XPO5: variants seen among roughly 807,000 people sequenced by gnomAD.
XPO5 encodes exportin 5.
A neutral mutation model predicts 160.6 loss-of-function variants in XPO5; 46 were observed. The ratio of observed to expected loss-of-function variants is 0.29; its 90% CI spans 0.23 to 0.37. The LOEUF is 0.37. Ranked by LOEUF, XPO5 falls within the 10% of genes least tolerant of loss-of-function variation. The pLI, the probability that XPO5 is intolerant of heterozygous loss-of-function variation, is 1.00. For missense variants in XPO5, 1,090 were observed against 1,463.9 expected (o/e 0.74, Z 4.17); for synonymous variants, 537 against 519.3 (o/e 1.03, Z -0.46).
intron 6 of XPO5, among the ~76,000 whole-genome samples, chr6:43,568,407 T>C (rs1317962978): frequency 1.3e-5 from 2 of 151,680 alleles, no homozygotes; most frequent in African/African-American, 4.9e-5. Flanking sequence ...AAGCCAGGGG[T>C]TTGACACCGG....
At chr6:43,565,620 A>G (rs753698447) in intron 8 of XPO5, 40 bp downstream of exon 8, 50 of 1,501,616 alleles carry the variant, frequency 3.3e-5, no homozygotes, top group East Asian at 2.6e-4. Flanking sequence ...GAAAAATGAC[A>G]AAGAAATTAG....
intron 26 of XPO5, 146 bp downstream of exon 26, chr6:43,527,488 G>A (rs2127701785): frequency 1.4e-6 from 1 of 717,264 alleles, no homozygotes; most frequent in African/African-American, 1.8e-5. Context: ...TGGCCAGGAT[G>A]GTCTTGATCT....
intron 14 of XPO5, 74 bp downstream of exon 14, chr6:43,553,299 C>T: frequency 1.3e-6 from 2 of 1,509,570 alleles, no homozygotes; most frequent in Non-Finnish European, 1.8e-6. Context: ...GATATAGCGT[C>T]CCAAAATAGA....
intron 11 of XPO5, 117 bp downstream of exon 11, chr6:43,560,061 C>G: frequency 7.7e-7 from 1 of 1,292,682 alleles, no homozygotes; most frequent in Non-Finnish European, 1.0e-6. Context: ...TCAAGCGATC[C>G]TCCCGCCTCA....
chr6:43,558,247 A>G (rs1048720074), intron 12 of XPO5, among the ~76,000 whole-genome samples: 1 of 152,180 alleles, frequency 6.6e-6, no homozygotes, highest in Non-Finnish European at 1.5e-5. Context: ...AAAAGTCAAG[A>G]GCGTCTTAAG....
Position 43,555,879 on chromosome 6 carries a change from T to C in XPO5, c.1398A>G (p.Leu466=), listed in dbSNP as rs762840518. ...KTSFQMAGEW[L]KYQLSTFLDA... Reference sequence around the variant, plus strand: ...CAAGAAAAGTTGATAGTTGATACTTTAGCCACTCCCCAGCCATCTGGAAGC... The same window carrying C: ...CAAGAAAAGTTGATAGTTGATACTTCAGCCACTCCCCAGCCATCTGGAAGC... Residue 466 remains leucine, a synonymous_variant, in exon 13 of 32, where the codon CTA becomes CTG. Transcript: ENST00000265351. The C allele has an allele frequency of 1.9e-6, 3 of 1,613,980 alleles. No individual in the cohort carries two copies. In the South Asian group the frequency reaches 3.3e-5, roughly 18 times the overall value.
Position 43,546,845 on chromosome 6 carries a change from GAC to G in XPO5, c.2161-95_2161-94del, listed in dbSNP as rs1291564341. On this transcript the variant is annotated intron_variant, in intron 19 of 31. Transcript: ENST00000265351. ...ATATATTCAAGGTTCTGGCAAAAGT[GAC>G]ACAGAGGCCAGAGAGAATGAAATAA... The G allele has an allele frequency of 2.5e-6, 3 of 1,214,174 alleles. No individual in the cohort carries two copies. In the African/African-American group the frequency reaches 4.7e-5, roughly 19 times the overall value. 75.2% of individuals were successfully genotyped at this position (1,214,174 alleles called of 1,614,324 possible).
intron 19 of XPO5, 66 bp from the exon 20 acceptor site, chr6:43,546,818 A>G: frequency 2.1e-6 from 3 of 1,431,122 alleles, no homozygotes; most frequent in Non-Finnish European, 2.8e-6. Flanking sequence ...AAATACTGTT[A>G]GATATATTCA....
chr6:43,561,024 C>CT lies in XPO5; in HGVS notation c.1012-18dup. The CT allele has an allele frequency of 6.3e-7, 1 of 1,598,436 alleles. No individual in the cohort carries two copies. Among genetic ancestry groups the CT allele is most frequent in the Non-Finnish European group, 8.6e-7 (1 of 1,165,938 alleles). On this transcript the variant is annotated splice_polypyrimidine_tract_variant and intron_variant, in intron 9 of 31. Transcript: ENST00000265351. ...ATCTGCACCCTGTAGGAGAAGACCA[C>CT]TATATTAACGGTGTTGATCGAGAAA...
intron 14 of XPO5, among the ~76,000 whole-genome samples, chr6:43,551,933 T>C (rs546238382): frequency 5.2e-4 from 79 of 151,998 alleles, no homozygotes; most frequent in Middle Eastern, 3.4e-3. Context: ...TCCCAAAGTG[T>C]TGGGATTACA....
rs957110864 is a variant in XPO5, at chr6:43,527,699, T to C, written c.2855A>G (p.Glu952Gly). 46 of 1,614,006 alleles carry C rather than the reference T, an allele frequency of 2.9e-5. No homozygotes were observed. The highest frequency in any genetic ancestry group is 3.9e-5 in the Non-Finnish European group (46 of 1,179,906). ...GEDEAADENPESQEMLEEQLV... is the reference protein window; with the variant it reads ...GEDEAADENPGSQEMLEEQLV... The stretch of plus-strand genomic sequence containing the variant: ...TTGCTCCTCCAGCATCTCTTGAGAC[T>C]CTGGGTTTTCATCTGCAGCCTCATC... The change falls in exon 26 of 32, where the codon GAG (glutamate) becomes GGG (glycine). Residue 952 changes from glutamate to glycine, a missense_variant. Coordinates refer to ENST00000265351, the MANE Select transcript of XPO5 (RefSeq NM_020750.3).
At chr6:43,538,945 G>T in intron 20 of XPO5, 1 of 1,331,744 alleles carries the variant, frequency 7.5e-7, no homozygotes, top group Non-Finnish European at 1.1e-6. Context: ...TCCAGAGGTC[G>T]GGGGTCAGGT....
At position 43,546,475 on chromosome 6, in the gene XPO5, T is replaced by C. The variant is rs1012537646; in HGVS notation, c.2342+96A>G. 4.1e-6 allele frequency: 5 copies of C among 1,223,192 alleles called. No homozygotes were observed. The African/African-American group carries it at 6.2e-5, about 15-fold the overall frequency. The allele number at this position is 1,223,192 out of a possible 1,614,324, so 75.8% of individuals were successfully genotyped here. A position where few individuals can be genotyped will look rare whatever the true frequency, so the allele number is the denominator to read the frequency against. On this transcript the variant is annotated intron_variant, in intron 20 of 31. Coordinates refer to ENST00000265351, the MANE Select transcript of XPO5 (RefSeq NM_020750.3). ...AAGACTTAAATCAATCCCTCATTAA[T>C]ACCACTAAGATATGAAGACATGTAA...
intron 25 of XPO5, 111 bp from the exon 26 acceptor site, chr6:43,527,842 C>G: frequency 8.7e-7 from 1 of 1,153,272 alleles, no homozygotes. Flanking sequence ...TTTGGGTCTT[C>G]GTTTTATGCA....
chr6:43,568,809 A>G, intron 5 of XPO5, 72 bp from the exon 6 acceptor site: 1 of 1,300,726 alleles, frequency 7.7e-7, no homozygotes, highest in Non-Finnish European at 1.1e-6. Flanking sequence ...ACCCCCCACA[A>G]ATCAATGCCC....
intron 12 of XPO5, among the ~76,000 whole-genome samples, chr6:43,558,142 A>G (rs768861302): frequency 1.3e-5 from 2 of 152,020 alleles, no homozygotes; most frequent in Non-Finnish European, 2.9e-5. Flanking sequence ...AAAACACAGA[A>G]CAGAACTAGA....
chr6:43,571,371 A>G (rs1411893758), intron 3 of XPO5, among the ~76,000 whole-genome samples: 1 of 152,214 alleles, frequency 6.6e-6, no homozygotes, highest in African/African-American at 2.4e-5. Flanking sequence ...GGGCAAATGA[A>G]TATTTTACCA....
At chr6:43,549,780 TCTACCACC>T in intron 16 of XPO5, 105 bp downstream of exon 16, 1 of 1,256,174 alleles carries the variant, frequency 8.0e-7, no homozygotes, top group Non-Finnish European at 1.1e-6. Flanking sequence ...TATATGATAA[TCTACCACC>T]CTTACTACCC....
Position 43,551,222 on chromosome 6 carries a change from C to T in XPO5, c.1728+76G>A. 3.6e-6 allele frequency: 5 copies of T among 1,403,726 alleles called. No homozygotes were observed. The South Asian group carries it at 4.9e-5, about 14-fold the overall frequency. 87.0% of individuals were successfully genotyped at this position (1,403,726 alleles called of 1,614,324 possible). A position where few individuals can be genotyped will look rare whatever the true frequency, so the allele number is the denominator to read the frequency against. ...CCTGGGCAATGTAGCAAGATCCTGT[C>T]TCCAAAAAAATAAAATAAATAAAAA... On this transcript the variant is annotated intron_variant, in intron 15 of 31. Coordinates refer to ENST00000265351, the MANE Select transcript of XPO5 (RefSeq NM_020750.3).
Sources: allele counts gnomAD v4.1 joint callset (sites outside exome capture counted in the v4.1 genomes callset), GRCh38; gene constraint gnomAD v4.1.1; transcripts MANE v1.5; gene names NCBI Gene and HGNC (gene_info 2026-07-23, HGNC 2026-07-21).